The following SMAD2 variants were observed in gnomAD, a reference collection of about 807,000 sequenced individuals.
The protein encoded by SMAD2 is MAD homolog 2.
A neutral mutation model predicts 64.4 loss-of-function variants in SMAD2; 8 were observed. The observed-to-expected ratio is 0.12, with a 90% confidence interval of 0.07 to 0.22. The LOEUF is 0.22. Ranked by LOEUF, SMAD2 falls within the 10% of genes least tolerant of loss-of-function variation. The pLI is 1.00. For missense variants in SMAD2, 289 were observed against 561.2 expected (o/e 0.51, Z 4.90); for synonymous variants, 203 against 195.8 (o/e 1.04, Z -0.31).
At chr18:47,849,407 C>G (rs993574305) in intron 7 of SMAD2, among the ~76,000 whole-genome samples, 1 of 151,660 alleles carries the variant, frequency 6.6e-6, no homozygotes, top group Middle Eastern at 3.4e-3. Flanking sequence ...GAATAAATTC[C>G]AAACATGTAA....
intron 8 of SMAD2, 54 bp downstream of exon 8, chr18:47,848,421 C>T (rs575670469): frequency 7.5e-7 from 1 of 1,329,258 alleles, no homozygotes; most frequent in African/African-American, 1.4e-5. Flanking sequence ...CATGCAATGC[C>T]TACATTATGA....
intron 2 of SMAD2, among the ~76,000 whole-genome samples, chr18:47,891,590 G>A (rs971539317): frequency 6.6e-6 from 1 of 150,900 alleles, no homozygotes; most frequent in Non-Finnish European, 1.5e-5. Context: ...TCACAGATGT[G>A]ATCACTGCAC....
At chr18:47,845,572 G>A (rs911830468) in intron 9 of SMAD2, 88 bp from the exon 10 acceptor site, 3 of 1,560,252 alleles carry the variant, frequency 1.9e-6, no homozygotes, top group East Asian at 2.2e-5. Context: ...TAGAATATGA[G>A]CATGCAATCA....
chr18:47,861,895 A>G (rs2031215781), intron 6 of SMAD2, among the ~76,000 whole-genome samples: 2 of 152,350 alleles, frequency 1.3e-5, no homozygotes, highest in South Asian at 4.1e-4. Context: ...AGTCCTATTA[A>G]TACTCTATGA....
At chr18:47,924,546 C>T (rs1032194065) in intron 1 of SMAD2, among the ~76,000 whole-genome samples, 3 of 151,660 alleles carry the variant, frequency 2.0e-5, no homozygotes, top group Non-Finnish European at 2.9e-5. Flanking sequence ...ACTGCAACCT[C>T]GGCCTCCCCG....
In SMAD2 at chr18:47,826,372, A is replaced by C. The variant is rs546794134; in HGVS notation, c.*15455T>G. Reference sequence around the variant, plus strand: ...CCTCCTATGTTCTCTCCCTTGGTCTAATAACTCTGTAGTGCCTTTCCACAC... The same window carrying C: ...CCTCCTATGTTCTCTCCCTTGGTCTCATAACTCTGTAGTGCCTTTCCACAC... On this transcript the variant is annotated 3_prime_UTR_variant, in exon 11 of 11. Coordinates refer to ENST00000262160, the MANE Select transcript of SMAD2 (RefSeq NM_005901.6). 1 of 152,394 alleles carries C rather than the reference A, an allele frequency of 6.6e-6. No individual in the cohort carries two copies. Among genetic ancestry groups the C allele is most frequent in the South Asian group, 2.1e-4 (1 of 4,826 alleles). The allele number at this position is 152,394 out of a possible 1,614,324, so 9.4% of individuals were successfully genotyped here.
intron 1 of SMAD2, among the ~76,000 whole-genome samples, chr18:47,898,892 T>C (rs1021273132): frequency 1.3e-5 from 2 of 151,894 alleles, no homozygotes; most frequent in African/African-American, 4.8e-5. Context: ...CAACAATTTT[T>C]TTTTTTTGCC....
chr18:47,926,550 A>T (rs1367666509), intron 1 of SMAD2, among the ~76,000 whole-genome samples: 1 of 152,012 alleles, frequency 6.6e-6, no homozygotes, highest in Non-Finnish European at 1.5e-5. Context: ...CAGTACCCAT[A>T]ATCTACTTGT....
At chr18:47,845,047 C>A (rs1317711104) in intron 10 of SMAD2, 3 of 574,050 alleles carry the variant, frequency 5.2e-6, no homozygotes, top group Non-Finnish European at 9.2e-6. Flanking sequence ...CGTGTGCAAA[C>A]ATCTCTCCTT....
intron 1 of SMAD2, among the ~76,000 whole-genome samples, chr18:47,898,198 ATTG>A (rs910848374): frequency 3.2e-4 from 49 of 152,338 alleles, no homozygotes; most frequent in African/African-American, 1.1e-3. Flanking sequence ...ATGTGAAGAA[ATTG>A]TTATCATTCC....
At chr18:47,874,683 C>T (rs1045458494) in intron 2 of SMAD2, among the ~76,000 whole-genome samples, 3 of 152,008 alleles carry the variant, frequency 2.0e-5, no homozygotes, top group African/African-American at 7.2e-5. Context: ...ATGCTACTCC[C>T]TGTATTAAAA....
intron 1 of SMAD2, among the ~76,000 whole-genome samples, chr18:47,901,601 CTAGA>C (rs949411394): frequency 5.9e-5 from 9 of 151,942 alleles, no homozygotes; most frequent in African/African-American, 1.9e-4. Flanking sequence ...AGTGGTTACC[CTAGA>C]TATTTTCTTA....
At chr18:47,929,511 TAAGA>T (rs2034909989) in intron 1 of SMAD2, among the ~76,000 whole-genome samples, 1 of 152,250 alleles carries the variant, frequency 6.6e-6, no homozygotes, top group African/African-American at 2.4e-5. Flanking sequence ...AACCCAAATT[TAAGA>T]TAGTCCAAAT....
At chr18:47,871,217 C>CT (rs2031913828) in intron 2 of SMAD2, among the ~76,000 whole-genome samples, 1 of 152,100 alleles carries the variant, frequency 6.6e-6, no homozygotes, top group Non-Finnish European at 1.5e-5. Context: ...ATAGTAACTT[C>CT]TGGTCAGTGA....
intron 2 of SMAD2, among the ~76,000 whole-genome samples, chr18:47,893,103 G>A (rs989841871): frequency 6.6e-5 from 10 of 152,140 alleles, no homozygotes; most frequent in Non-Finnish European, 1.3e-4. Flanking sequence ...ACTCAAAAAT[G>A]TTTGAGATGA....
chr18:47,923,645 T>G (rs2034649701), intron 1 of SMAD2: 1 of 152,200 alleles, frequency 6.6e-6, no homozygotes, highest in Non-Finnish European at 1.5e-5. Flanking sequence ...GGCTTCCTGG[T>G]GGTGAGGATG....
intron 1 of SMAD2, among the ~76,000 whole-genome samples, chr18:47,903,807 G>A (rs2033784999): frequency 7.3e-6 from 1 of 137,744 alleles, no homozygotes; most frequent in Non-Finnish European, 1.5e-5. Flanking sequence ...TAACAGAAAT[G>A]AGCAGTGAAC....
rs756023240 is a variant in SMAD2 at position 47,870,533 on chromosome 18, G to A, written c.268C>T (p.Pro90Ser). 6 of 1,613,414 alleles carry A rather than the reference G, an allele frequency of 3.7e-6. No individual in the cohort carries two copies. The Admixed American group carries it at 1.0e-4, about 27-fold the overall frequency. Reference protein sequence around the residue: ...TCSEIWGLSTPNTIDQWDTTG... With the variant: ...TCSEIWGLSTSNTIDQWDTTG... Reference sequence around the variant, plus strand: ...GTATCCCACTGATCTATCGTATTTGGTGTACTCAGTCCCCAAATTTCAGAG... The same window carrying A: ...GTATCCCACTGATCTATCGTATTTGATGTACTCAGTCCCCAAATTTCAGAG... The change falls in exon 3 of 11, where the codon CCA (proline) becomes TCA (serine). Residue 90 changes from proline (P) to serine (S), a missense_variant. This residue lies in a region of SMAD2 where 89 missense variants were observed against 137.1 expected (regional missense o/e 0.65). Coordinates refer to ENST00000262160, the MANE Select transcript of SMAD2 (RefSeq NM_005901.6).
intron 2 of SMAD2, among the ~76,000 whole-genome samples, chr18:47,871,065 C>T (rs1259324361): frequency 6.6e-6 from 1 of 152,144 alleles, no homozygotes. Context: ...ATTTTGTTCT[C>T]ATCTCTAGAA....
Sources: gnomAD v4.1 joint callset for allele counts (sites outside exome capture counted in the v4.1 genomes callset) on GRCh38, gnomAD v4.1.1 for gene constraint, gnomAD v4.1.1 regional missense constraint, MANE v1.5 for transcripts, NCBI Gene and HGNC (gene_info 2026-07-23, HGNC 2026-07-21) for gene names.